FBXW12: variants seen among roughly 807,000 people sequenced by gnomAD.
FBXW12 encodes the protein F-box/WD repeat-containing protein 12.
Under a neutral mutation model 55.3 loss-of-function variants are expected in FBXW12, and 43 were observed. That is an observed-to-expected ratio of 0.78 (90% CI 0.61 to 1.00). The LOEUF (loss-of-function observed/expected upper bound fraction) is 1.00. Ranked by LOEUF, FBXW12 falls within the 50% of genes least tolerant of loss-of-function variation. FBXW12 has a pLI of 0.00. For missense variants in FBXW12, 524 were observed against 560.5 expected, an observed-to-expected ratio of 0.93 and a Z score of 0.66; for synonymous variants, 184 against 203.8, an observed-to-expected ratio of 0.90 and a Z score of 0.83.
chr3:48,394,354 A>G (rs1214760398), intron 10 of FBXW12, among the ~76,000 whole-genome samples: 1 of 152,204 alleles, frequency 6.6e-6, no homozygotes, highest in Non-Finnish European at 1.5e-5. Context: ...AATATTTGAG[A>G]GCAGGTTGTG....
intron 7 of FBXW12, chr3:48,379,897 G>A (rs7636782): frequency 1.2e-5 from 3 of 247,972 alleles, no homozygotes; most frequent in Admixed American, 1.0e-4. Flanking sequence ...GGAGGATCAC[G>A]TGAGCCCAGG....
intron 10 of FBXW12, among the ~76,000 whole-genome samples, chr3:48,393,136 C>T (rs1223132480): frequency 6.6e-6 from 1 of 152,050 alleles, no homozygotes; most frequent in Non-Finnish European, 1.5e-5. Context: ...GCTGGGACTA[C>T]AGGCATGCAC....
At chr3:48,386,756 C>T (rs1575362973) in intron 10 of FBXW12, among the ~76,000 whole-genome samples, 1 of 152,118 alleles carries the variant, frequency 6.6e-6, no homozygotes, top group Non-Finnish European at 1.5e-5. Context: ...AGTGGATTTT[C>T]TTCATTTATT....
Position 48,373,291 on chromosome 3 carries a change from T to G in FBXW12, c.91-17T>G. ...TGTAACTGATTGCCTGCTTGTCTCT[T>G]CCTTTCTCTCCCATAGCATTGGAAT... On this transcript the variant is annotated splice_polypyrimidine_tract_variant and intron_variant, in intron 2 of 10. Transcript: ENST00000296438. 1.2e-6 allele frequency: 2 copies of G among 1,614,180 alleles called. No homozygotes were observed. Among genetic ancestry groups the G allele is most frequent in the Non-Finnish European group, 1.7e-6 (2 of 1,180,026 alleles).
At chr3:48,392,125 T>G (rs2106658567) in intron 10 of FBXW12, among the ~76,000 whole-genome samples, 1 of 152,120 alleles carries the variant, frequency 6.6e-6, no homozygotes, top group East Asian at 1.9e-4. Context: ...ATGCTGGATT[T>G]TTTGTTTGTT....
At chr3:48,374,729 C>T (rs1431219260) in intron 4 of FBXW12, among the ~76,000 whole-genome samples, 1 of 147,982 alleles carries the variant, frequency 6.8e-6, no homozygotes, top group African/African-American at 2.5e-5. Context: ...GCCTCACAGG[C>T]GTGAGCCACT....
At chr3:48,390,423 T>TC (rs1475468307) in intron 10 of FBXW12, among the ~76,000 whole-genome samples, 1 of 143,926 alleles carries the variant, frequency 6.9e-6, no homozygotes, top group Non-Finnish European at 1.5e-5. Flanking sequence ...TTTTTTTTTT[T>TC]TTTTTTTTTG....
intron 8 of FBXW12, 121 bp from the exon 9 acceptor site, chr3:48,381,579 G>A (rs891027775): frequency 1.8e-6 from 2 of 1,100,420 alleles, no homozygotes; most frequent in African/African-American, 3.2e-5. Flanking sequence ...TCCCCGGAAT[G>A]AAGTCTGTGG....
In FBXW12 at chr3:48,375,401, G is replaced by A; in HGVS notation, c.334G>A (p.Asp112Asn). The change falls in exon 5 of 11, where the codon GAT becomes AAT. Residue 112 changes from aspartate to asparagine, a missense_variant. By Grantham distance (23) the Asp-to-Asn change is conservative. Transcript: ENST00000296438. ...AYLSGNRLTV[D>N]EQEKSIICSV... The stretch of plus-strand genomic sequence containing the variant: ...TCTCTCAGGAAATAGACTTACAGTG[G>A]ATGAACAGGAGAAATCAATCATTTG... The A allele has an allele frequency of 1.9e-6, 3 of 1,612,672 alleles. No homozygotes were observed. Among genetic ancestry groups the A allele is most frequent in the Non-Finnish European group, 8.5e-7 (1 of 1,179,568 alleles).
At chr3:48,386,915 C>T in intron 10 of FBXW12, among the ~76,000 whole-genome samples, 1 of 149,846 alleles carries the variant, frequency 6.7e-6, no homozygotes. Context: ...TGAAGGATAT[C>T]ATTTTGTAGT....
chr3:48,386,988 A>G (rs1195007822), intron 10 of FBXW12, among the ~76,000 whole-genome samples: 1 of 146,426 alleles, frequency 6.8e-6, no homozygotes, highest in Non-Finnish European at 1.5e-5. Flanking sequence ...TCCAGGCTGG[A>G]GTGCAATGGC....
At chr3:48,392,672 A>G (rs1290264482) in intron 10 of FBXW12, among the ~76,000 whole-genome samples, 1 of 152,034 alleles carries the variant, frequency 6.6e-6, no homozygotes, top group Non-Finnish European at 1.5e-5. Context: ...CTCTGTTTTA[A>G]TTGGTATATT....
chr3:48,375,526 C>A, intron 5 of FBXW12, 54 bp downstream of exon 5: 1 of 1,055,734 alleles, frequency 9.5e-7, no homozygotes. Context: ...CCATCCTGTT[C>A]TATATATGAA....
At chr3:48,380,550 G>A in intron 7 of FBXW12, 152 bp from the exon 8 acceptor site, 1 of 620,906 alleles carries the variant, frequency 1.6e-6, no homozygotes, top group South Asian at 2.0e-5. Context: ...TTATGCTGGA[G>A]TGATAAGCAG....
chr3:48,379,936 T>G (rs1330556166), intron 7 of FBXW12: 2 of 201,766 alleles, frequency 9.9e-6, no homozygotes, highest in Admixed American at 1.1e-4. Flanking sequence ...GCTATGCTGA[T>G]AGGGTGTCCA....
In FBXW12 at chr3:48,381,731, T is replaced by A. The variant is rs1298106239; in HGVS notation, c.1017T>A (p.Ala339=). 2.5e-6 allele frequency: 4 copies of A among 1,592,550 alleles called. No individual in the cohort carries two copies. In the Middle Eastern group the frequency reaches 5.0e-4, roughly 200 times the overall value. The change falls in exon 9 of 11, where the codon GCT becomes GCA. Residue 339 remains alanine, a synonymous_variant. Coordinates refer to ENST00000296438, the MANE Select transcript of FBXW12 (RefSeq NM_207102.2). The part of the protein sequence containing the change: ...AYEIASFQVA[A]HLKCPIWMGA... ...AGATCGCAAGTTTCCAGGTGGCAGC[T>A]CATCTGAAGTGCCCTATCTGGATGG...
chr3:48,379,736 C>T (rs1347381891), intron 7 of FBXW12, 178 bp downstream of exon 7: 1 of 579,672 alleles, frequency 1.7e-6, no homozygotes, highest in Non-Finnish European at 3.0e-6. Context: ...TAACAACATC[C>T]AGTTGCTGTG....
Position 48,379,489 on chromosome 3 carries a change from A to G in FBXW12, c.705A>G (p.Val235=). The G allele has an allele frequency of 6.2e-7, 1 of 1,614,042 alleles. No homozygotes were observed. Among genetic ancestry groups the G allele is most frequent in the Non-Finnish European group, 8.5e-7 (1 of 1,179,880 alleles). Residue 235 remains valine, a synonymous_variant, in exon 7 of 11, where the codon GTA becomes GTG. Coordinates refer to ENST00000296438, the MANE Select transcript of FBXW12 (RefSeq NM_207102.2). ...TTACTGCATTTCAATATGGTATTGT[A>G]CTTCTACACTGCTCTCCTGACAAGA... The part of the protein sequence containing the change: ...SKVTAFQYGI[V]LLHCSPDKKW...
At chr3:48,387,425 A>T (rs1439346920) in intron 10 of FBXW12, among the ~76,000 whole-genome samples, 1 of 138,410 alleles carries the variant, frequency 7.2e-6, no homozygotes, top group Non-Finnish European at 1.5e-5. Context: ...TTTCAGAGAA[A>T]CAGCTTTTGG....
Sources: gnomAD v4.1 joint callset for allele counts (sites outside exome capture counted in the v4.1 genomes callset) on GRCh38, gnomAD v4.1.1 for gene constraint, MANE v1.5 for transcripts, NCBI Gene and HGNC (gene_info 2026-07-23, HGNC 2026-07-21) for gene names.